Variants in UBR4 observed in about 807,000 individuals in gnomAD.
UBR4 encodes the protein E3 ubiquitin-protein ligase UBR4.
In UBR4, 124 loss-of-function variants were observed where a neutral mutation model predicts 575.6. That is an observed-to-expected ratio of 0.22 (90% confidence interval 0.19 to 0.25). UBR4 has a LOEUF of 0.25. UBR4 is among the 10% of genes least tolerant of loss of function. UBR4 has a pLI of 1.00. For synonymous variants in UBR4, 2,455 were observed against 2,473.7 expected (o/e 0.99, Z 0.22); for missense variants, 4,818 against 6,478.8 (o/e 0.74, Z 8.80).
chr1:19,186,727 C>T (rs995287071), intron 13 of UBR4, 70 bp from the exon 14 acceptor site: 135 of 1,459,808 alleles, frequency 9.2e-5, no homozygotes, highest in Non-Finnish European at 1.2e-4. Flanking sequence ...AAACTTTCTC[C>T]ATAATCTCTT....
chr1:19,168,508 AAT>A (rs1200867360), intron 27 of UBR4, among the ~76,000 whole-genome samples: 1 of 152,248 alleles, frequency 6.6e-6, no homozygotes, highest in Non-Finnish European at 1.5e-5. Context: ...TGGATTTTGC[AAT>A]GCATCTGGTC....
chr1:19,137,360 A>G (rs1310327424), intron 60 of UBR4, among the ~76,000 whole-genome samples: 1 of 152,162 alleles, frequency 6.6e-6, no homozygotes, highest in Non-Finnish European at 1.5e-5. Flanking sequence ...GCTGACCTCA[A>G]CAAATTCAAC....
intron 65 of UBR4, 62 bp from the exon 66 acceptor site, chr1:19,123,122 G>C: frequency 6.5e-7 from 1 of 1,546,084 alleles, no homozygotes; most frequent in South Asian, 1.1e-5. Context: ...ATCAACTGTG[G>C]CTCTCACACC....
intron 60 of UBR4, among the ~76,000 whole-genome samples, chr1:19,131,742 G>A (rs940127858): frequency 6.6e-6 from 1 of 152,116 alleles, no homozygotes; most frequent in Admixed American, 6.5e-5. Context: ...GCGTGGTCAC[G>A]CATGCCTGTA....
At chr1:19,199,201 T>C (rs2092623944) in intron 3 of UBR4, among the ~76,000 whole-genome samples, 1 of 152,198 alleles carries the variant, frequency 6.6e-6, no homozygotes, top group South Asian at 2.1e-4. Context: ...TATAGCAACC[T>C]TGCACCTCCA....
chr1:19,146,621 C>T (rs2084906694), intron 52 of UBR4, among the ~76,000 whole-genome samples: 1 of 152,080 alleles, frequency 6.6e-6, no homozygotes, highest in Non-Finnish European at 1.5e-5. Flanking sequence ...CAAGGATAAT[C>T]GAAAGTATAA....
intron 34 of UBR4, among the ~76,000 whole-genome samples, chr1:19,163,313 G>C (rs924147925): frequency 6.6e-6 from 1 of 152,196 alleles, no homozygotes; most frequent in African/African-American, 2.4e-5. Flanking sequence ...CTGAATGCAG[G>C]ATTTCTGTCA....
chr1:19,145,704 G>C, intron 53 of UBR4, 89 bp downstream of exon 53: 1 of 1,451,900 alleles, frequency 6.9e-7, no homozygotes, highest in East Asian at 2.3e-5. Flanking sequence ...TATGAAGAAT[G>C]AAAGCTAATG....
chr1:19,201,916 A>T, intron 1 of UBR4, 101 bp from the exon 2 acceptor site: 4 of 960,274 alleles, frequency 4.2e-6, no homozygotes, highest in Non-Finnish European at 6.2e-6. Flanking sequence ...ACTACCTGGT[A>T]GATAGTATCA....
At chr1:19,080,518 C>T (rs538621501) in intron 103 of UBR4, 10 of 152,330 alleles carry the variant, frequency 6.6e-5, no homozygotes, top group African/African-American at 2.4e-4. Flanking sequence ...GGACATGATC[C>T]CTCGAATCCT....
intron 81 of UBR4, among the ~76,000 whole-genome samples, chr1:19,108,306 T>A (rs1388352517): frequency 1.3e-5 from 2 of 152,214 alleles, no homozygotes; most frequent in Non-Finnish European, 2.9e-5. Context: ...TGTCAGTTCT[T>A]CTTAAAGCTC....
At chr1:19,199,038 T>G in intron 3 of UBR4, 110 bp from the exon 4 acceptor site, 1 of 1,320,094 alleles carries the variant, frequency 7.6e-7, no homozygotes, top group Non-Finnish European at 1.0e-6. Flanking sequence ...TAGGTTCATA[T>G]AAACACTAAA....
intron 33 of UBR4, 38 bp from the exon 34 acceptor site, chr1:19,163,865 C>A: frequency 6.2e-7 from 1 of 1,609,256 alleles, no homozygotes; most frequent in Admixed American, 1.7e-5. Flanking sequence ...AGAGGAGACA[C>A]AAAATCATCG....
intron 2 of UBR4, 49 bp from the exon 3 acceptor site, chr1:19,199,803 C>A: frequency 6.5e-7 from 1 of 1,535,370 alleles, no homozygotes; most frequent in South Asian, 1.1e-5. Flanking sequence ...CAGCGTTGGT[C>A]AATAAATTAA....
chr1:19,152,590 T>C lies in UBR4; in HGVS notation c.6833-114A>G. The C allele has an allele frequency of 1.4e-6, 2 of 1,383,872 alleles. No individual in the cohort carries two copies. Among genetic ancestry groups the C allele is most frequent in the Non-Finnish European group, 2.0e-6 (2 of 1,004,866 alleles). 85.7% of individuals were successfully genotyped at this position (1,383,872 alleles called of 1,614,324 possible). On this transcript the variant is annotated intron_variant, in intron 46 of 105. Coordinates refer to ENST00000375254, the MANE Select transcript of UBR4 (RefSeq NM_020765.3). The surrounding 1 kb of genome is among the most constrained non-coding windows in gnomAD (Gnocchi z 4.4). The stretch of plus-strand genomic sequence containing the variant: ...CTCACACTCTAATCTAAGCAAACTC[T>C]GGATTATAACATTTGCATCGGCATG...
chr1:19,143,148 G>A (rs1271583190), intron 55 of UBR4, among the ~76,000 whole-genome samples: 1 of 141,872 alleles, frequency 7.0e-6, no homozygotes, highest in Non-Finnish European at 1.5e-5. Flanking sequence ...AGAAAAGAAA[G>A]AAGGAAGGGA....
chr1:19,171,140 C>G lies in UBR4; in HGVS notation c.3522-257G>C, dbSNP rs181076445. ...GAGAAACAGTGAATACTATATCTAT[C>G]CTCCTTCCCCACCTCAGAAGATTGA... On this transcript the variant is annotated intron_variant, in intron 25 of 105. Coordinates refer to ENST00000375254, the MANE Select transcript of UBR4 (RefSeq NM_020765.3). Among the ~76,000 whole-genome samples the G allele has an allele frequency of 2.0e-5, 3 of 152,268 alleles. No individual in the cohort carries two copies. The East Asian group carries it at 5.8e-4, about 29-fold the overall frequency.
rs956923823 is a variant in UBR4, at chr1:19,139,544, G to C, written c.8594-324C>G. ...GTGCAGAGATTCAGTAAGAATCTGT[G>C]ACATGGACGCTGAGTTTTCTAGCTA... On this transcript the variant is annotated intron_variant, in intron 58 of 105. Coordinates refer to ENST00000375254, the MANE Select transcript of UBR4 (RefSeq NM_020765.3). The surrounding 1 kb of genome is among the most constrained non-coding windows in gnomAD (Gnocchi z 4.2). Among the ~76,000 whole-genome samples, 1 of 152,208 alleles carries C rather than the reference G, an allele frequency of 6.6e-6. No homozygotes were observed. The highest frequency in any genetic ancestry group is 6.5e-5 in the Admixed American group (1 of 15,290).
chr1:19,104,782 C>T (rs1413666111), intron 85 of UBR4, 116 bp from the exon 86 acceptor site: 3 of 1,212,660 alleles, frequency 2.5e-6, no homozygotes, highest in Non-Finnish European at 2.4e-6. Context: ...TCTTCTTAAT[C>T]GAACCCTTGC....
Sources: gnomAD v4.1 joint callset for allele counts (sites outside exome capture counted in the v4.1 genomes callset) on GRCh38, gnomAD v4.1.1 for gene constraint, Gnocchi (gnomAD v3.1) non-coding constraint, MANE v1.5 for transcripts, NCBI Gene and HGNC (gene_info 2026-07-23, HGNC 2026-07-21) for gene names.